The following CSMD1 variants were observed in gnomAD, a reference collection of about 807,000 sequenced individuals.
CSMD1 encodes the protein CUB and sushi domain-containing protein 1.
A neutral mutation model predicts 417.5 loss-of-function variants in CSMD1; 213 were observed. The observed-to-expected ratio is 0.51, with a 90% CI of 0.46 to 0.57. The LOEUF is 0.57. Ranked by LOEUF, CSMD1 falls within the 20% of genes least tolerant of loss-of-function variation. CSMD1 has a pLI of 0.00. For missense variants in CSMD1, 6,923 were observed against 4,529.7 expected (o/e 1.53, Z -15.17); for synonymous variants, 2,862 against 1,736.8 (o/e 1.65, Z -16.11).
At chr8:4,387,600 A>G (rs1803543713) in intron 3 of CSMD1, among the ~76,000 whole-genome samples, 1 of 149,978 alleles carries the variant, frequency 6.7e-6, no homozygotes, top group African/African-American at 2.4e-5. Flanking sequence ...AAAGAGTTGA[A>G]TGTTTGGAAG....
chr8:3,487,164 T>A (rs2117270939), intron 11 of CSMD1, among the ~76,000 whole-genome samples: 1 of 152,124 alleles, frequency 6.6e-6, no homozygotes, highest in South Asian at 2.1e-4. Context: ...GGCCGCTCTC[T>A]TCAGACAACA....
intron 2 of CSMD1, among the ~76,000 whole-genome samples, chr8:4,447,949 A>C (rs80082330): frequency 6.6e-6 from 1 of 152,062 alleles, no homozygotes; most frequent in African/African-American, 2.4e-5. Flanking sequence ...CATATTTTTT[A>C]AAAGACAATG....
chr8:4,425,811 G>C (rs752770393), intron 2 of CSMD1, among the ~76,000 whole-genome samples: 5 of 152,106 alleles, frequency 3.3e-5, no homozygotes, highest in Non-Finnish European at 7.4e-5. Flanking sequence ...ATTCATATTT[G>C]ATGGTCCAGG....
At chr8:4,457,105 G>A (rs534127917) in intron 2 of CSMD1, among the ~76,000 whole-genome samples, 4 of 151,682 alleles carry the variant, frequency 2.6e-5, no homozygotes, top group African/African-American at 4.8e-5. Context: ...TATGACTATC[G>A]ATGTGTTTCT....
At chr8:4,340,463 C>T (rs1046640445) in intron 3 of CSMD1, among the ~76,000 whole-genome samples, 1 of 152,072 alleles carries the variant, frequency 6.6e-6, no homozygotes, top group African/African-American at 2.4e-5. Flanking sequence ...AATTATGGGT[C>T]TGTCTAGGGG....
intron 50 of CSMD1, among the ~76,000 whole-genome samples, chr8:3,034,314 T>C (rs1205327395): frequency 2.6e-5 from 4 of 152,166 alleles, no homozygotes. Flanking sequence ...ATATTACTAA[T>C]GGTCAGAGAA....
intron 1 of CSMD1, among the ~76,000 whole-genome samples, chr8:4,952,678 G>A (rs879114515): frequency 1.3e-5 from 2 of 151,972 alleles, no homozygotes; most frequent in African/African-American, 2.4e-5. Flanking sequence ...TCTATCAGAA[G>A]CAAAACATGG....
At chr8:4,659,687 T>C (rs1287551328) in intron 1 of CSMD1, among the ~76,000 whole-genome samples, 2 of 152,180 alleles carry the variant, frequency 1.3e-5, no homozygotes. Context: ...GTTTCCTTTT[T>C]GGATGATAAA....
intron 5 of CSMD1, among the ~76,000 whole-genome samples, chr8:3,917,902 T>G (rs933414415): frequency 3.3e-5 from 5 of 152,130 alleles, no homozygotes; most frequent in African/African-American, 1.2e-4. Context: ...AAATGAAAAT[T>G]TAAAGTTCTC....
intron 4 of CSMD1, among the ~76,000 whole-genome samples, chr8:4,027,028 A>G: frequency 6.6e-6 from 1 of 152,248 alleles, no homozygotes; most frequent in East Asian, 1.9e-4. Context: ...ACATGATGTC[A>G]AGGAACACAG....
At chr8:4,974,522 TAA>T (rs1810432426) in intron 1 of CSMD1, among the ~76,000 whole-genome samples, 6 of 44,356 alleles carry the variant, frequency 1.4e-4, no homozygotes, top group African/African-American at 4.2e-4. Flanking sequence ...ATTTTTAACA[TAA>T]TAACGTGAGA....
At chr8:4,443,539 A>G (rs549325228) in intron 2 of CSMD1, among the ~76,000 whole-genome samples, 3 of 152,334 alleles carry the variant, frequency 2.0e-5, no homozygotes, top group African/African-American at 4.8e-5. Context: ...AATTTCACGA[A>G]TGATATGTCA....
At chr8:3,556,414 T>TATATATATATA (rs1349911850) in intron 10 of CSMD1, among the ~76,000 whole-genome samples, 9 of 141,996 alleles carry the variant, frequency 6.3e-5, no homozygotes, top group East Asian at 2.0e-4. Context: ...TATATATATA[T>TATATATATATA]TCACACACAC....
chr8:3,092,951 T>C (rs1264962757), intron 47 of CSMD1, among the ~76,000 whole-genome samples: 2 of 152,222 alleles, frequency 1.3e-5, no homozygotes, highest in Non-Finnish European at 2.9e-5. Flanking sequence ...CAGCTGTCTT[T>C]GTTGTTATAC....
Position 3,313,962 on chromosome 8 carries a change from C to G in CSMD1, c.3632-5459G>C, listed in dbSNP as rs568637517. ...GCCATAAAAAATGATGAGTTCATGT[C>G]CTTTGTAGGGACATGGATGAAGCTG... On this transcript the variant is annotated intron_variant, in intron 23 of 69. Coordinates refer to ENST00000635120, the MANE Select transcript of CSMD1 (RefSeq NM_033225.6). 1.2e-3 allele frequency among the ~76,000 whole-genome samples: 178 copies of G among 152,138 alleles called. 3 individuals carry two copies. The East Asian group carries it at 0.032, about 27-fold the overall frequency.
At chr8:4,837,493 G>C (rs971551435) in intron 1 of CSMD1, among the ~76,000 whole-genome samples, 1 of 152,140 alleles carries the variant, frequency 6.6e-6, no homozygotes, top group Non-Finnish European at 1.5e-5. Context: ...GCCAGGCACA[G>C]AAAGGCAAAC....
intron 7 of CSMD1, among the ~76,000 whole-genome samples, chr8:3,646,279 TCA>T (rs1477661287): frequency 1.3e-5 from 2 of 152,200 alleles, no homozygotes; most frequent in African/African-American, 2.4e-5. Context: ...GTAATTTTTC[TCA>T]GTTGTAAAAG....
At chr8:3,539,576 C>G (rs918143818) in intron 10 of CSMD1, among the ~76,000 whole-genome samples, 3 of 152,180 alleles carry the variant, frequency 2.0e-5, no homozygotes, top group African/African-American at 7.2e-5. Context: ...AGTTGTAACA[C>G]TTCGCCAAGA....
chr8:4,088,277 A>T (rs1039425318), intron 3 of CSMD1, among the ~76,000 whole-genome samples: 1 of 152,200 alleles, frequency 6.6e-6, no homozygotes, highest in Non-Finnish European at 1.5e-5. Flanking sequence ...CCCACTTCTC[A>T]ATTGCATGGC....
Sources: gnomAD v4.1 joint callset for allele counts (sites outside exome capture counted in the v4.1 genomes callset) on GRCh38, gnomAD v4.1.1 for gene constraint, MANE v1.5 for transcripts, NCBI Gene and HGNC (gene_info 2026-07-23, HGNC 2026-07-21) for gene names.